CBX1: variants seen among roughly 807,000 people sequenced by gnomAD.
The protein encoded by CBX1 is chromobox protein homolog 1.
CBX1 carries 10 observed loss-of-function variants against 25.1 expected under a neutral mutation model. That is an observed-to-expected ratio of 0.40 (90% CI 0.25 to 0.68). The LOEUF (loss-of-function observed/expected upper bound fraction) is 0.68, where lower values mean the gene tolerates loss of function less well. Ranked by LOEUF, CBX1 falls within the 30% of genes least tolerant of loss-of-function variation. The probability of loss-of-function intolerance (pLI) is 0.40; values close to 1 mark genes in which losing one functional copy is unlikely to be tolerated. For synonymous variants in CBX1, 63 were observed against 79.4 expected (o/e 0.79, Z 1.10); for missense variants, 106 against 218.5 (o/e 0.49, Z 3.25).
chr17:48,081,436 T>G (rs2037737078), intron 1 of CBX1, among the ~76,000 whole-genome samples: 1 of 152,162 alleles, frequency 6.6e-6, no homozygotes, highest in African/African-American at 2.4e-5. Flanking sequence ...GACTTCGATC[T>G]TTACTCACTT....
chr17:48,074,968 G>T lies in CBX1; in HGVS notation c.413+38C>A, dbSNP rs762120620. ...CTCTGGCATGAAACCAATGGGAGAA[G>T]AAAAAAAACAACCACACAGAGCCAC... is the stretch of plus-strand genomic sequence containing the variant. On this transcript the variant is annotated intron_variant, in intron 4 of 4. Coordinates refer to ENST00000225603, the MANE Select transcript of CBX1 (RefSeq NM_001127228.2). 3.5e-6 allele frequency: 5 copies of T among 1,420,146 alleles called. No individual in the cohort carries two copies. In the African/African-American group the frequency reaches 4.2e-5, roughly 12 times the overall value. 88.0% of individuals were successfully genotyped at this position (1,420,146 alleles called of 1,614,324 possible).
At chr17:48,088,338 T>C (rs1041227120) in intron 1 of CBX1, 1 of 150,100 alleles carries the variant, frequency 6.7e-6, no homozygotes, top group Non-Finnish European at 1.5e-5. Flanking sequence ...ATTTTTCTTG[T>C]TGCCAGGTGC....
Position 48,101,455 on chromosome 17 carries a change from C to G in CBX1, c.-225G>C. 6 of 985,704 alleles carry G rather than the reference C, an allele frequency of 6.1e-6. No homozygotes were observed. Among genetic ancestry groups the G allele is most frequent in the Non-Finnish European group, 6.0e-6 (5 of 830,138 alleles). 61.1% of individuals were successfully genotyped at this position (985,704 alleles called of 1,614,324 possible). A position where few individuals can be genotyped will look rare whatever the true frequency, so the allele number is the denominator to read the frequency against. ...CCCTCAGCCGAACAAAAGAGCCTCG[C>G]AGTCTGCGCTGCCCGCCGCTCGCAC... is the stretch of plus-strand genomic sequence containing the variant. On this transcript the variant is annotated 5_prime_UTR_variant, in exon 1 of 5. Transcript: ENST00000225603.
chr17:48,077,181 A>T (rs2037682431), intron 1 of CBX1, 140 bp from the exon 2 acceptor site: 1 of 594,114 alleles, frequency 1.7e-6, no homozygotes, highest in Non-Finnish European at 2.7e-6. Flanking sequence ...TTCTTCTCAC[A>T]CTCGATACAA....
intron 2 of CBX1, 141 bp from the exon 3 acceptor site, chr17:48,076,319 TAGAA>T (rs1431904795): frequency 1.0e-5 from 6 of 592,372 alleles, no homozygotes; most frequent in East Asian, 2.9e-5. Flanking sequence ...TTAGTATAAA[TAGAA>T]AGCTAAGAAA....
At chr17:48,075,670 AAAC>A (rs900833403) in intron 3 of CBX1, among the ~76,000 whole-genome samples, 15 of 151,890 alleles carry the variant, frequency 9.9e-5, no homozygotes, top group Non-Finnish European at 2.2e-4. Context: ...CACTCTCAAA[AAAC>A]AACTTACTTT....
At chr17:48,088,177 G>A (rs914942071) in intron 1 of CBX1, 1 of 151,710 alleles carries the variant, frequency 6.6e-6, no homozygotes, top group Non-Finnish European at 1.5e-5. Flanking sequence ...TGGGCGTGGT[G>A]GCAGGCGCCT....
intron 1 of CBX1, among the ~76,000 whole-genome samples, chr17:48,088,487 C>T (rs1382170072): frequency 2.0e-5 from 3 of 151,642 alleles, no homozygotes; most frequent in Non-Finnish European, 2.9e-5. Context: ...GGCGTGGTGG[C>T]GCATGCCTGT....
At chr17:48,088,023 T>G (rs901152085) in intron 1 of CBX1, 2 of 151,422 alleles carry the variant, frequency 1.3e-5, no homozygotes, top group African/African-American at 4.9e-5. Flanking sequence ...CAAAAATATA[T>G]AACGTGGCCA....
At chr17:48,100,861 TAC>T (rs753606300) in intron 1 of CBX1, 115 of 985,550 alleles carry the variant, frequency 1.2e-4, no homozygotes, top group Non-Finnish European at 1.3e-4. Context: ...GTCTTCCGAA[TAC>T]AGTTACAAAC....
rs1363776995 is a variant in CBX1, at chr17:48,089,566, G to GT, written c.-38+11701dup. ...GGGCCCAGCACGGTGGCTCACGCCT[G>GT]TAACCCCAGCACTTTGGGAGGCCGA... On this transcript the variant is annotated intron_variant, in intron 1 of 4. Transcript: ENST00000225603. Among the ~76,000 whole-genome samples the GT allele has an allele frequency of 4.6e-5, 7 of 151,592 alleles. 1 individual carries two copies. In the Middle Eastern group the frequency reaches 0.014, roughly 299 times the overall value.
intron 4 of CBX1, among the ~76,000 whole-genome samples, chr17:48,071,979 T>G (rs1055763227): frequency 5.4e-5 from 8 of 147,456 alleles, no homozygotes; most frequent in African/African-American, 1.5e-4. Flanking sequence ...TGGAGAAATC[T>G]TGGCTTTGTA....
At chr17:48,097,549 G>A (rs1598318864) in intron 1 of CBX1, among the ~76,000 whole-genome samples, 5 of 151,560 alleles carry the variant, frequency 3.3e-5, no homozygotes, top group Non-Finnish European at 1.5e-5. Context: ...CCTGGGAGGC[G>A]GAGGTTGCAG....
At chr17:48,074,474 A>C (rs760352783) in intron 4 of CBX1, among the ~76,000 whole-genome samples, 1 of 152,218 alleles carries the variant, frequency 6.6e-6, no homozygotes, top group Non-Finnish European at 1.5e-5. Context: ...CATAATGGAA[A>C]AAAGCAGGCT....
At chr17:48,080,952 ATATATATATATATATATATATATATATAT>A (rs1448069287) in intron 1 of CBX1, among the ~76,000 whole-genome samples, 2 of 8,956 alleles carry the variant, frequency 2.2e-4, no homozygotes, top group East Asian at 0.011. Context: ...AAAAAAAAAA[ATATATATATATATATATATATATATATAT>A]ATATATATAT....
intron 1 of CBX1, among the ~76,000 whole-genome samples, chr17:48,086,087 A>C (rs765058472): frequency 1.3e-5 from 2 of 152,112 alleles, no homozygotes; most frequent in African/African-American, 2.4e-5. Flanking sequence ...AAACAAAACA[A>C]AACAAAAAAA....
chr17:48,100,013 C>T (rs2144480893), intron 1 of CBX1, among the ~76,000 whole-genome samples: 1 of 151,866 alleles, frequency 6.6e-6, no homozygotes, highest in Middle Eastern at 3.4e-3. Flanking sequence ...GTGGCGTGTG[C>T]CTGTAATCCC....
intron 1 of CBX1, among the ~76,000 whole-genome samples, chr17:48,096,850 T>C (rs1201897819): frequency 3.9e-5 from 6 of 152,046 alleles, no homozygotes; most frequent in Non-Finnish European, 4.4e-5. Flanking sequence ...CCCAGTACTT[T>C]GGGAGGGTGA....
chr17:48,076,104 T>C lies in CBX1; in HGVS notation c.215A>G (p.Lys72Arg). The change falls in exon 3 of 5, where the codon AAA becomes AGA. Residue 72 changes from lysine to arginine, a missense_variant. Around this residue, in one of 4 missense-constraint regions of CBX1, gnomAD observed 71 missense variants for 144.1 expected, o/e 0.49. Coordinates refer to ENST00000225603, the MANE Select transcript of CBX1 (RefSeq NM_001127228.2). ...DLIAEFLQSQ[K>R]TAHETDKSEG... The stretch of plus-strand genomic sequence containing the variant: ...TGATTTATCTGTCTCATGTGCTGTT[T>C]TCTGTGACTGCAGAAACTCAGCAAT... 6.2e-7 allele frequency: 1 copy of C among 1,612,882 alleles called. No homozygotes were observed. The highest frequency in any genetic ancestry group is 1.3e-5 in the African/African-American group (1 of 75,036).
Sources: gnomAD v4.1 joint callset for allele counts (sites outside exome capture counted in the v4.1 genomes callset) on GRCh38, gnomAD v4.1.1 for gene constraint, gnomAD v4.1.1 regional missense constraint, MANE v1.5 for transcripts, NCBI Gene and HGNC (gene_info 2026-07-23, HGNC 2026-07-21) for gene names.